NEIL2: variants seen among roughly 807,000 people sequenced by gnomAD.
The protein encoded by NEIL2 is endonuclease 8-like 2.
In NEIL2, 23 loss-of-function variants were observed where a neutral mutation model predicts 22.2. That is an observed-to-expected ratio of 1.04 (90% CI 0.75 to 1.47). The LOEUF is 1.47. Among genes scored for constraint, NEIL2 ranks in the 40% most tolerant of loss-of-function variants. The pLI is 0.00. For synonymous variants in NEIL2, 229 were observed against 164.8 expected (o/e 1.39, Z -2.99); for missense variants, 583 against 404.7 (o/e 1.44, Z -3.78).
Position 11,783,207 on chromosome 8 carries a change from G to A in NEIL2, c.496G>A (p.Val166Ile). 1.2e-6 allele frequency: 2 copies of A among 1,614,204 alleles called. No homozygotes were observed. The highest frequency in any genetic ancestry group is 1.7e-6 in the Non-Finnish European group (2 of 1,180,006). The part of the protein sequence containing the change: ...GDWRDPSPRL[V>I]LHFGGGGFLA... ...TGACCTGTTCTTTCTTCCCAGGTTGGTCCTGCACTTTGGTGGTGGTGGCTT... is the reference window on the plus strand; with the variant it reads ...TGACCTGTTCTTTCTTCCCAGGTTGATCCTGCACTTTGGTGGTGGTGGCTT... The change falls in exon 4 of 5, where the codon GTC (valine) becomes ATC (isoleucine). Residue 166 changes from valine to isoleucine, a missense_variant. Physicochemically the swap from Val to Ile is conservative, Grantham distance 29. Transcript: ENST00000284503.
At position 11,775,998 on chromosome 8, in the gene NEIL2, C is replaced by T. The variant is rs2201680; in HGVS notation, c.139-3600C>T. Among the ~76,000 whole-genome samples, 417 of 152,286 alleles carry T rather than the reference C, an allele frequency of 2.7e-3. 4 individuals are homozygous for T. The highest frequency in any genetic ancestry group is 0.02 in the South Asian group (98 of 4,822). On this transcript the variant is annotated intron_variant, in intron 2 of 4. Transcript: ENST00000284503. Reference sequence around the variant, plus strand: ...TGTTACCCAGTTCCAAAGTTGCTTCCGCATTTTTAGATGTCTTTACAGCAA... The same window carrying T: ...TGTTACCCAGTTCCAAAGTTGCTTCTGCATTTTTAGATGTCTTTACAGCAA...
intron 3 of NEIL2, among the ~76,000 whole-genome samples, chr8:11,782,080 TA>T (rs1804469049): frequency 2.0e-5 from 3 of 151,902 alleles, no homozygotes; most frequent in Non-Finnish European, 4.4e-5. Context: ...AATAAATAAA[TA>T]AAATTAGCTT....
Position 11,777,681 on chromosome 8 carries a change from A to G in NEIL2, c.139-1917A>G, listed in dbSNP as rs527455317. The stretch of plus-strand genomic sequence containing the variant: ...TATTTCACTTAGTATAAAGTCCTCA[A>G]AGTTCACCCATGTTATAGATAAGGG... On this transcript the variant is annotated intron_variant, in intron 2 of 4. Transcript: ENST00000284503. Among the ~76,000 whole-genome samples, 4 of 152,360 alleles carry G rather than the reference A, an allele frequency of 2.6e-5. No individual in the cohort carries two copies. In the South Asian group the frequency reaches 6.2e-4, roughly 24 times the overall value.
chr8:11,782,652 T>C (rs1804525159), intron 3 of NEIL2: 1 of 188,804 alleles, frequency 5.3e-6, no homozygotes, highest in Admixed American at 5.3e-5. Context: ...GTATGGCTTT[T>C]ACTGAGTGTG....
rs921508622 is a variant in NEIL2 at position 11,771,700 on chromosome 8, G to A, written c.138+115G>A. ...CCCTGAGTCCGGAACCACCAAGCTC[G>A]GACTCCATGCAGCTCCCTCTTTCAG... On this transcript the variant is annotated intron_variant, in intron 2 of 4. Transcript: ENST00000284503. 502 of 1,074,234 alleles carry A rather than the reference G, an allele frequency of 4.7e-4. 6 individuals carry two copies. The highest frequency in any genetic ancestry group is 4.2e-4 in the Admixed American group (18 of 42,790). The allele number at this position is 1,074,234 out of a possible 1,614,324, so 66.5% of individuals were successfully genotyped here.
At chr8:11,779,406 C>A (rs2130496754) in intron 2 of NEIL2, among the ~76,000 whole-genome samples, 192 bp from the exon 3 acceptor site, 1 of 152,326 alleles carries the variant, frequency 6.6e-6, no homozygotes, top group East Asian at 1.9e-4. Flanking sequence ...TGCTCCCAGT[C>A]ACTTTGAAAA....
chr8:11,772,941 C>G (rs8191548), intron 2 of NEIL2, among the ~76,000 whole-genome samples: 6 of 152,260 alleles, frequency 3.9e-5, no homozygotes, highest in Admixed American at 3.3e-4. Flanking sequence ...CACACACACA[C>G]AGAGGTTTTA....
Position 11,783,238 on chromosome 8 carries a change from C to T in NEIL2, c.527C>T (p.Ala176Val), listed in dbSNP as rs1395357328. ...VLHFGGGGFL[A>V]FYNCQLSWSS... is the part of the protein sequence containing the mutation. ...CACTTTGGTGGTGGTGGCTTCCTGG[C>T]ATTTTATAATTGTCAGTTGTCTTGG... is the stretch of plus-strand genomic sequence containing the variant. The change falls in exon 4 of 5, where the codon GCA becomes GTA. Residue 176 changes from alanine (A) to valine (V), a missense_variant. Coordinates refer to ENST00000284503, the MANE Select transcript of NEIL2 (RefSeq NM_145043.4). 1 of 1,614,222 alleles carries T rather than the reference C, an allele frequency of 6.2e-7. No homozygotes were observed. The highest frequency in any genetic ancestry group is 8.5e-7 in the Non-Finnish European group (1 of 1,180,030).
chr8:11,781,034 C>A (rs945150172), intron 3 of NEIL2, among the ~76,000 whole-genome samples: 1 of 152,074 alleles, frequency 6.6e-6, no homozygotes, highest in Non-Finnish European at 1.5e-5. Flanking sequence ...ATATCATCAA[C>A]GGTGGGTATT....
In NEIL2 at chr8:11,771,565, C is replaced by T. The variant is rs1165064785; in HGVS notation, c.118C>T (p.Leu40=). 3 of 1,613,948 alleles carry T rather than the reference C, an allele frequency of 1.9e-6. No homozygotes were observed. The highest frequency in any genetic ancestry group is 3.3e-5 in the Admixed American group (2 of 59,990). The change falls in exon 2 of 5, where the codon CTG becomes TTG. Residue 40 remains leucine, a synonymous_variant. Transcript: ENST00000284503. ...KKLQPASLQS[L]WLQDTQVHGK... ...GCTACAGCCCGCCAGCCTGCAGTCT[C>T]TGTGGCTCCAGGACACCCAGGTGAG...
In NEIL2 at chr8:11,786,657, TGAGA is replaced by T. The variant is rs1055611641; in HGVS notation, c.*390_*393del. On this transcript the variant is annotated 3_prime_UTR_variant, in exon 5 of 5. Transcript: ENST00000284503. The stretch of plus-strand genomic sequence containing the variant: ...TTTTTTTTTTTTTGGTTGTTTGTTT[TGAGA>T]GAGAGTCTTGCTCTGTCTCCCTGGC... 3.1e-5 allele frequency: 9 copies of T among 294,976 alleles called. No homozygotes were observed. The highest frequency in any genetic ancestry group is 3.9e-5 in the Non-Finnish European group (6 of 153,350). The allele number at this position is 294,976 out of a possible 1,614,324, so 18.3% of individuals were successfully genotyped here. A position where few individuals can be genotyped will look rare whatever the true frequency, so the allele number is the denominator to read the frequency against.
intron 4 of NEIL2, among the ~76,000 whole-genome samples, chr8:11,784,296 C>G (rs1319602822): frequency 1.3e-5 from 2 of 152,196 alleles, no homozygotes; most frequent in Non-Finnish European, 2.9e-5. Context: ...ATGGCAAGAG[C>G]TAACAGTAAC....
At chr8:11,778,975 A>G (rs1585762656) in intron 2 of NEIL2, among the ~76,000 whole-genome samples, 1 of 148,278 alleles carries the variant, frequency 6.7e-6, no homozygotes, top group Non-Finnish European at 1.5e-5. Context: ...AGACAGCAGA[A>G]CATCCTTTAA....
chr8:11,785,204 A>AT (rs1237863457), intron 4 of NEIL2, among the ~76,000 whole-genome samples: 76 of 148,170 alleles, frequency 5.1e-4, no homozygotes, highest in Middle Eastern at 7.5e-3. Context: ...TTTAAAAAAA[A>AT]ATTTTTTTTG....
chr8:11,780,860 C>T (rs1367477318), intron 3 of NEIL2, among the ~76,000 whole-genome samples: 6 of 152,160 alleles, frequency 3.9e-5, no homozygotes, highest in Non-Finnish European at 8.8e-5. Context: ...GCTGAAATCT[C>T]ATGAATGTTA....
At chr8:11,779,513 G>A (rs1178953579) in intron 2 of NEIL2, 85 bp from the exon 3 acceptor site, 14 of 1,102,272 alleles carry the variant, frequency 1.3e-5, no homozygotes, top group Middle Eastern at 2.9e-4. Flanking sequence ...TGAGAAGGAA[G>A]ACCTTTGCAA....
At chr8:11,776,144 C>G (rs1459661475) in intron 2 of NEIL2, among the ~76,000 whole-genome samples, 3 of 152,224 alleles carry the variant, frequency 2.0e-5, no homozygotes, top group African/African-American at 4.8e-5. Context: ...TTCCACATGT[C>G]TGGGGAGTCC....
At chr8:11,773,628 G>A (rs185859509) in intron 2 of NEIL2, among the ~76,000 whole-genome samples, 1 of 152,168 alleles carries the variant, frequency 6.6e-6, no homozygotes, top group Non-Finnish European at 1.5e-5. Flanking sequence ...GACTGAAGAG[G>A]GAGGAAAGGG....
chr8:11,783,051 G>A, intron 3 of NEIL2, 152 bp from the exon 4 acceptor site: 1 of 729,216 alleles, frequency 1.4e-6, no homozygotes, highest in Non-Finnish European at 2.5e-6. Context: ...ATGTGGGGAT[G>A]TCTGTATGTG....
Sources: allele counts gnomAD v4.1 joint callset (sites outside exome capture counted in the v4.1 genomes callset), GRCh38; gene constraint gnomAD v4.1.1; transcripts MANE v1.5; gene names NCBI Gene and HGNC (gene_info 2026-07-23, HGNC 2026-07-21).